The following CASTOR2 variants were observed in gnomAD, a reference collection of about 807,000 sequenced individuals.
CASTOR2 encodes GATS protein like 2.
Under a neutral mutation model 31.2 loss-of-function variants are expected in CASTOR2, and 8 were observed. The ratio of observed to expected loss-of-function variants is 0.26; its 90% confidence interval spans 0.15 to 0.46. The LOEUF is 0.46. CASTOR2 is among the 20% of genes least tolerant of loss of function. The probability of loss-of-function intolerance (pLI) is 0.99; values close to 1 mark genes in which losing one functional copy is unlikely to be tolerated. For synonymous variants in CASTOR2, 162 were observed against 158.7 expected (o/e 1.02, Z -0.16); for missense variants, 216 against 382.1 (o/e 0.57, Z 3.62).
At chr7:75,011,897 G>A (rs1435706104) in intron 2 of CASTOR2, among the ~76,000 whole-genome samples, 1 of 151,804 alleles carries the variant, frequency 6.6e-6, no homozygotes, top group Non-Finnish European at 1.5e-5. Context: ...AACCCGGGAG[G>A]TGGAGGTTGC....
At chr7:75,006,117 G>C (rs1391942566) in intron 1 of CASTOR2, among the ~76,000 whole-genome samples, 2 of 152,120 alleles carry the variant, frequency 1.3e-5, no homozygotes, top group Admixed American at 6.6e-5. Flanking sequence ...GACAGGGTGA[G>C]AGACTGTCTC....
At chr7:75,005,056 A>G (rs1554438652) in intron 1 of CASTOR2, among the ~76,000 whole-genome samples, 2 of 145,970 alleles carry the variant, frequency 1.4e-5, no homozygotes, top group African/African-American at 5.1e-5. Flanking sequence ...TTGTAGAGAC[A>G]GGGTTTCACC....
intron 1 of CASTOR2, among the ~76,000 whole-genome samples, chr7:74,973,150 C>T (rs1201253949): frequency 3.3e-5 from 5 of 150,344 alleles, no homozygotes; most frequent in Non-Finnish European, 5.9e-5. Context: ...GGCTGGAATC[C>T]CAGCACTGCT....
At chr7:74,983,412 G>A (rs1803991796) in intron 1 of CASTOR2, among the ~76,000 whole-genome samples, 1 of 148,420 alleles carries the variant, frequency 6.7e-6, no homozygotes. Flanking sequence ...TCTCTCTGAT[G>A]ACGTCCCCAC....
chr7:74,985,998 G>C (rs1584462156), intron 1 of CASTOR2, among the ~76,000 whole-genome samples: 1 of 151,996 alleles, frequency 6.6e-6, no homozygotes, highest in Non-Finnish European at 1.5e-5. Flanking sequence ...CATTATCTCG[G>C]CTCACTGCAA....
intron 1 of CASTOR2, among the ~76,000 whole-genome samples, chr7:74,973,425 CT>C (rs1353790006): frequency 9.5e-6 from 1 of 105,720 alleles, no homozygotes; most frequent in Non-Finnish European, 1.9e-5. Context: ...ACTGCAACCT[CT>C]GTCTCCCAGG....
intron 1 of CASTOR2, among the ~76,000 whole-genome samples, chr7:74,973,053 C>G (rs1490317617): frequency 6.7e-6 from 1 of 149,430 alleles, no homozygotes; most frequent in African/African-American, 2.5e-5. Flanking sequence ...CCTCATTCCT[C>G]GCAACACATT....
intron 6 of CASTOR2, 69 bp from the exon 7 acceptor site, chr7:75,021,805 C>T (rs957343472): frequency 5.2e-5 from 79 of 1,522,266 alleles, no homozygotes; most frequent in Non-Finnish European, 6.6e-5. Flanking sequence ...CTGGCTGGTG[C>T]ACCAGCACAC....
At chr7:74,992,397 T>G (rs1804233270) in intron 1 of CASTOR2, among the ~76,000 whole-genome samples, 2 of 152,128 alleles carry the variant, frequency 1.3e-5, no homozygotes, top group African/African-American at 4.8e-5. Context: ...AGGCCAGGAA[T>G]TCAAGACCAG....
intron 2 of CASTOR2, among the ~76,000 whole-genome samples, chr7:75,008,405 C>A (rs1554438987): frequency 6.6e-6 from 1 of 152,176 alleles, no homozygotes; most frequent in Admixed American, 6.6e-5. Flanking sequence ...CTGAAACCTA[C>A]AAAGTGCTTT....
At chr7:74,988,439 A>G (rs1435623855) in intron 1 of CASTOR2, among the ~76,000 whole-genome samples, 6 of 152,062 alleles carry the variant, frequency 3.9e-5, no homozygotes, top group African/African-American at 1.4e-4. Context: ...CTGGGACTAC[A>G]GGTGCCTGCC....
At chr7:74,995,649 T>TA (rs1804327148) in intron 1 of CASTOR2, among the ~76,000 whole-genome samples, 1 of 150,046 alleles carries the variant, frequency 6.7e-6, no homozygotes, top group East Asian at 2.0e-4. Flanking sequence ...CTACTAAAAA[T>TA]ACAAAAAATT....
intron 2 of CASTOR2, among the ~76,000 whole-genome samples, chr7:75,015,516 G>A (rs1298523923): frequency 1.3e-5 from 2 of 152,108 alleles, no homozygotes; most frequent in East Asian, 1.9e-4. Flanking sequence ...GGCCTCAAGC[G>A]ATCCTCCTAC....
intron 1 of CASTOR2, among the ~76,000 whole-genome samples, chr7:74,992,694 T>G (rs1169549089): frequency 1.3e-5 from 2 of 151,886 alleles, no homozygotes; most frequent in African/African-American, 4.8e-5. Context: ...CACCTCAGCC[T>G]CCCAAAGTGC....
chr7:74,998,340 A>T (rs1192997195), intron 1 of CASTOR2, among the ~76,000 whole-genome samples: 1 of 152,152 alleles, frequency 6.6e-6, no homozygotes, highest in African/African-American at 2.4e-5. Flanking sequence ...ACGGTGGCTC[A>T]CACTTGTAAT....
chr7:75,018,253 C>T (rs1804911663), intron 4 of CASTOR2, 131 bp downstream of exon 4: 5 of 1,497,928 alleles, frequency 3.3e-6, no homozygotes, highest in Admixed American at 2.0e-5. Context: ...GAACGGGATG[C>T]AAAGGGCCCA....
rs1374557715 is a variant in CASTOR2 at position 75,026,316 on chromosome 7, A to T, written c.*1617A>T. ...GTGATTCTCCTGCCTCGGCCTCCCA[A>T]GTAGCTGGGATTACAGGCACGCACC... On this transcript the variant is annotated 3_prime_UTR_variant, in exon 9 of 9. Transcript: ENST00000616305. Among the ~76,000 whole-genome samples, 1 of 151,674 alleles carries T rather than the reference A, an allele frequency of 6.6e-6. No homozygotes were observed. The highest frequency in any genetic ancestry group is 1.5e-5 in the Non-Finnish European group (1 of 67,940).
chr7:74,984,388 G>A (rs1299270779), intron 1 of CASTOR2, among the ~76,000 whole-genome samples: 11 of 151,964 alleles, frequency 7.2e-5, no homozygotes, highest in African/African-American at 2.7e-4. Context: ...TTGGCTCGTT[G>A]GAAGTGGTGA....
rs1805144545 is a variant in CASTOR2 at position 75,026,709 on chromosome 7, A to G, written c.*2010A>G. Among the ~76,000 whole-genome samples the G allele has an allele frequency of 6.6e-6, 1 of 151,746 alleles. No individual in the cohort carries two copies. The highest frequency in any genetic ancestry group is 2.4e-5 in the African/African-American group (1 of 41,286). On this transcript the variant is annotated 3_prime_UTR_variant, in exon 9 of 9. Coordinates refer to ENST00000616305, the MANE Select transcript of CASTOR2 (RefSeq NM_001145064.3). ...GTTTTGCACAAAACTCCAGAACAAA[A>G]CTCGTACATTGCTGGTCCCAAAAGG... is the stretch of plus-strand genomic sequence containing the variant.
Sources: allele counts gnomAD v4.1 joint callset (sites outside exome capture counted in the v4.1 genomes callset), GRCh38; gene constraint gnomAD v4.1.1; transcripts MANE v1.5; gene names NCBI Gene and HGNC (gene_info 2026-07-23, HGNC 2026-07-21).